The following STARD3NL variants were observed in gnomAD, a reference collection of about 807,000 sequenced individuals.
The protein encoded by STARD3NL is STARD3 N-terminal-like protein.
In STARD3NL, 17 loss-of-function variants were observed where a neutral mutation model predicts 30.9. That is an observed-to-expected ratio of 0.55 (90% confidence interval 0.38 to 0.82). STARD3NL has a LOEUF of 0.82. Among genes scored for constraint, STARD3NL ranks in the 40% least tolerant of loss-of-function variants. STARD3NL has a pLI of 0.00. For missense variants in STARD3NL, 234 were observed against 277.6 expected (o/e 0.84, Z 1.12); for synonymous variants, 112 against 100.5 (o/e 1.11, Z -0.69).
intron 1 of STARD3NL, among the ~76,000 whole-genome samples, chr7:38,199,416 A>G (rs978587443): frequency 6.6e-6 from 1 of 152,234 alleles, no homozygotes; most frequent in African/African-American, 2.4e-5. Context: ...TATGTGCTAG[A>G]TGCTAGATAG....
intron 1 of STARD3NL, among the ~76,000 whole-genome samples, chr7:38,191,476 A>C (rs1784684283): frequency 7.5e-6 from 1 of 132,804 alleles, no homozygotes; most frequent in Admixed American, 7.6e-5. Flanking sequence ...AAAATATTGC[A>C]AAAAAAATTG....
intron 2 of STARD3NL, among the ~76,000 whole-genome samples, chr7:38,213,675 T>C (rs1785938794): frequency 6.6e-6 from 1 of 152,192 alleles, no homozygotes; most frequent in Non-Finnish European, 1.5e-5. Flanking sequence ...TTTAAAAGTA[T>C]TATGCTCCAT....
chr7:38,193,725 A>G (rs1784788749), intron 1 of STARD3NL, among the ~76,000 whole-genome samples: 2 of 152,228 alleles, frequency 1.3e-5, no homozygotes, highest in African/African-American at 2.4e-5. Flanking sequence ...AGTACTCAGC[A>G]TTGTGCCTGA....
rs910355140 is a variant in STARD3NL, at chr7:38,178,314, G to A, written c.-165G>A. On this transcript the variant is annotated 5_prime_UTR_variant, in exon 1 of 9. Transcript: ENST00000009041. ...GGGCTGCGCGTTGTCCGCTGGACTG[G>A]GTCCCGGTCACGCCCCGCCAAGCCC... 6.6e-6 allele frequency: 1 copy of A among 152,156 alleles called. No homozygotes were observed. The highest frequency in any genetic ancestry group is 2.4e-5 in the African/African-American group (1 of 41,448). 9.4% of individuals were successfully genotyped at this position (152,156 alleles called of 1,614,324 possible). A position where few individuals can be genotyped will look rare whatever the true frequency, so the allele number is the denominator to read the frequency against.
chr7:38,199,397 C>G lies in STARD3NL; in HGVS notation c.-58-8050C>G, dbSNP rs147657408. The stretch of plus-strand genomic sequence containing the variant: ...ACAGAGATTGCTGAGAGCCTACTCT[C>G]TGCTAGTATATGTGCTAGATGCTAG... On this transcript the variant is annotated intron_variant, in intron 1 of 8. Coordinates refer to ENST00000009041, the MANE Select transcript of STARD3NL (RefSeq NM_032016.4). 7.8e-3 allele frequency among the ~76,000 whole-genome samples: 1,187 copies of G among 152,338 alleles called. 13 individuals are homozygous for G. Among genetic ancestry groups the G allele is most frequent in the African/African-American group, 0.028 (1,155 of 41,572 alleles).
rs761249192 is a variant in STARD3NL, at chr7:38,217,282, C to T, written c.530C>T (p.Pro177Leu). The change falls in exon 6 of 9, where the codon CCT becomes CTT. Residue 177 changes from proline (P) to leucine (L), a missense_variant. Coordinates refer to ENST00000009041, the MANE Select transcript of STARD3NL (RefSeq NM_032016.4). ...TGGTTCCTGGATTTCAAAGTGTTAC[C>T]TCAAGAAGCAGAAGAAGAAAACAGT... ...ETWFLDFKVL[P>L]QEAEEENRLL... The T allele has an allele frequency of 6.2e-7, 1 of 1,613,938 alleles. No individual in the cohort carries two copies. Among genetic ancestry groups the T allele is most frequent in the South Asian group, 1.1e-5 (1 of 91,068 alleles).
chr7:38,201,196 A>G (rs976377547), intron 1 of STARD3NL, among the ~76,000 whole-genome samples: 10 of 152,240 alleles, frequency 6.6e-5, no homozygotes, highest in East Asian at 1.9e-4. Context: ...ATTAGAGCCA[A>G]TCTGCTCAGA....
chr7:38,191,544 C>A (rs1357386746), intron 1 of STARD3NL, among the ~76,000 whole-genome samples: 3 of 151,970 alleles, frequency 2.0e-5, no homozygotes, highest in Non-Finnish European at 2.9e-5. Flanking sequence ...GTCTGTAAAT[C>A]GTCTTAAATT....
intron 6 of STARD3NL, among the ~76,000 whole-genome samples, chr7:38,218,124 G>A (rs1786230854): frequency 6.6e-6 from 1 of 152,096 alleles, no homozygotes; most frequent in South Asian, 2.1e-4. Flanking sequence ...CATCTTAAAG[G>A]TGAAACGATC....
At chr7:38,192,645 C>G (rs546029002) in intron 1 of STARD3NL, among the ~76,000 whole-genome samples, 21 of 152,288 alleles carry the variant, frequency 1.4e-4, no homozygotes, top group African/African-American at 5.1e-4. Context: ...TGAGCTCTAC[C>G]TGAATGAAGG....
At chr7:38,186,944 T>A (rs1278751093) in intron 1 of STARD3NL, among the ~76,000 whole-genome samples, 1 of 151,728 alleles carries the variant, frequency 6.6e-6, no homozygotes, top group East Asian at 1.9e-4. Context: ...GAATAAAAGG[T>A]TGGAGACAAT....
intron 1 of STARD3NL, among the ~76,000 whole-genome samples, chr7:38,188,872 G>A (rs1308612405): frequency 6.6e-6 from 1 of 152,130 alleles, no homozygotes; most frequent in Non-Finnish European, 1.5e-5. Context: ...AAAACAGTCG[G>A]AGTTCGGGAG....
intron 7 of STARD3NL, among the ~76,000 whole-genome samples, chr7:38,223,965 A>G (rs1786610987): frequency 6.6e-6 from 1 of 152,106 alleles, no homozygotes; most frequent in Non-Finnish European, 1.5e-5. Context: ...GTTAATCCCC[A>G]CTTCTACCTC....
intron 7 of STARD3NL, among the ~76,000 whole-genome samples, chr7:38,220,776 T>C (rs571787790): frequency 6.6e-6 from 1 of 152,288 alleles, no homozygotes; most frequent in East Asian, 1.9e-4. Context: ...AAACGACATG[T>C]ATGTACATCC....
intron 3 of STARD3NL, 83 bp downstream of exon 3, chr7:38,214,517 T>A: frequency 1.2e-6 from 1 of 825,544 alleles, no homozygotes; most frequent in Non-Finnish European, 1.9e-6. Flanking sequence ...TCAAATTCCA[T>A]GCCCTTTTTT....
chr7:38,229,949 C>G lies in STARD3NL; in HGVS notation c.*44C>G, dbSNP rs1183814776. 2.0e-5 allele frequency: 3 copies of G among 152,474 alleles called. No individual in the cohort carries two copies. The highest frequency in any genetic ancestry group is 1.5e-5 in the Non-Finnish European group (1 of 68,018). The allele number at this position is 152,474 out of a possible 1,614,324, so 9.4% of individuals were successfully genotyped here. ...GTGAAAAACCCTCACAGAAAGTCATCGAGGCAAAAAGAGGCAGGCAGTGGA... is the reference window on the plus strand; with the variant it reads ...GTGAAAAACCCTCACAGAAAGTCATGGAGGCAAAAAGAGGCAGGCAGTGGA... On this transcript the variant is annotated 3_prime_UTR_variant, in exon 9 of 9. Coordinates refer to ENST00000009041, the MANE Select transcript of STARD3NL (RefSeq NM_032016.4).
chr7:38,202,501 T>C (rs1259561242), intron 1 of STARD3NL, among the ~76,000 whole-genome samples: 2 of 152,212 alleles, frequency 1.3e-5, no homozygotes, highest in Non-Finnish European at 2.9e-5. Flanking sequence ...GGGGAAAATA[T>C]AATCTCATTA....
chr7:38,187,522 C>T (rs12669726), intron 1 of STARD3NL, among the ~76,000 whole-genome samples: 34,769 of 152,000 alleles, frequency 0.23, 4,012 homozygotes, highest in Middle Eastern at 0.26. Flanking sequence ...TGTGGTGTTA[C>T]ATTTTTTCGG....
chr7:38,193,329 C>T (rs1364076919), intron 1 of STARD3NL, among the ~76,000 whole-genome samples: 7 of 151,904 alleles, frequency 4.6e-5, no homozygotes, highest in Non-Finnish European at 8.8e-5. Context: ...GATGGAGTCT[C>T]GCTCTGTCGC....
Sources: gnomAD v4.1 joint callset for allele counts (sites outside exome capture counted in the v4.1 genomes callset) on GRCh38, gnomAD v4.1.1 for gene constraint, MANE v1.5 for transcripts, NCBI Gene and HGNC (gene_info 2026-07-23, HGNC 2026-07-21) for gene names.